ERBB4: variants seen among roughly 807,000 people sequenced by gnomAD.
ERBB4 encodes receptor tyrosine-protein kinase erbB-4.
In ERBB4, 42 loss-of-function variants were observed where a neutral mutation model predicts 158.0. The ratio of observed to expected loss-of-function variants is 0.27; its 90% CI spans 0.21 to 0.34. The LOEUF is 0.34. Among genes scored for constraint, ERBB4 ranks in the 10% least tolerant of loss-of-function variants. The probability of loss-of-function intolerance (pLI) is 1.00; values close to 1 mark genes in which losing one functional copy is unlikely to be tolerated. For synonymous variants in ERBB4, 583 were observed against 558.7 expected (o/e 1.04, Z -0.61); for missense variants, 1,333 against 1,624.1 (o/e 0.82, Z 3.08).
At chr2:211,423,561 G>A (rs2063556125) in intron 23 of ERBB4, among the ~76,000 whole-genome samples, 1 of 151,424 alleles carries the variant, frequency 6.6e-6, no homozygotes, top group South Asian at 2.1e-4. Context: ...TGGGACATAG[G>A]AAGAAAAAAG....
intron 1 of ERBB4, among the ~76,000 whole-genome samples, chr2:212,240,360 G>A (rs967540540): frequency 4.6e-5 from 7 of 151,906 alleles, no homozygotes; most frequent in Non-Finnish European, 2.9e-5. Context: ...CTCTAAAGAC[G>A]AAGGGGGCAG....
At chr2:212,249,660 G>A (rs2084455739) in intron 1 of ERBB4, among the ~76,000 whole-genome samples, 1 of 151,916 alleles carries the variant, frequency 6.6e-6, no homozygotes. Flanking sequence ...GCCCCCACCT[G>A]GGCATTAAAC....
chr2:211,567,764 A>G (rs2067593458), intron 19 of ERBB4, among the ~76,000 whole-genome samples: 1 of 151,906 alleles, frequency 6.6e-6, no homozygotes, highest in Non-Finnish European at 1.5e-5. Flanking sequence ...AGAAAAACGA[A>G]CAAGACACTA....
chr2:212,499,161 C>T (rs958907809), intron 1 of ERBB4, among the ~76,000 whole-genome samples: 2 of 151,930 alleles, frequency 1.3e-5, no homozygotes, highest in African/African-American at 2.4e-5. Flanking sequence ...TTGTTGAAAC[C>T]GCATTAAATG....
At chr2:211,682,719 A>G (rs76229437) in intron 12 of ERBB4, among the ~76,000 whole-genome samples, 1,643 of 152,152 alleles carry the variant, frequency 0.011, 40 homozygotes, top group African/African-American at 0.038. Context: ...TTTCTCTCTC[A>G]TAGTATTTTT....
chr2:211,862,709 G>A (rs1384504602), intron 3 of ERBB4, among the ~76,000 whole-genome samples: 3 of 152,140 alleles, frequency 2.0e-5, no homozygotes, highest in Non-Finnish European at 2.9e-5. Flanking sequence ...TGATATATCA[G>A]ATCATTATTT....
At chr2:211,533,057 C>T (rs2066544312) in intron 20 of ERBB4, among the ~76,000 whole-genome samples, 1 of 151,296 alleles carries the variant, frequency 6.6e-6, no homozygotes, top group Non-Finnish European at 1.5e-5. Flanking sequence ...ATTGGTTTTA[C>T]ACAAATGGGA....
chr2:212,282,516 C>T (rs1006332081), intron 1 of ERBB4, among the ~76,000 whole-genome samples: 9 of 151,842 alleles, frequency 5.9e-5, no homozygotes, highest in African/African-American at 1.7e-4. Flanking sequence ...CCAGGGACCT[C>T]GAGTGTGTCC....
chr2:212,501,211 T>C (rs1042278189), intron 1 of ERBB4, among the ~76,000 whole-genome samples: 3 of 152,152 alleles, frequency 2.0e-5, no homozygotes, highest in African/African-American at 7.2e-5. Context: ...TATATTTTCC[T>C]TTCCTGGTCA....
chr2:211,924,025 A>G (rs1216802936), intron 3 of ERBB4, among the ~76,000 whole-genome samples: 2 of 152,076 alleles, frequency 1.3e-5, no homozygotes, highest in Admixed American at 1.3e-4. Context: ...CCCAGCCATA[A>G]CCTAAATTTT....
chr2:212,230,414 T>C (rs1245080922), intron 1 of ERBB4, among the ~76,000 whole-genome samples: 1 of 152,226 alleles, frequency 6.6e-6, no homozygotes, highest in Non-Finnish European at 1.5e-5. Flanking sequence ...TTTTGTATTG[T>C]AACAGATTCA....
At chr2:212,327,719 T>C (rs1041589505) in intron 1 of ERBB4, among the ~76,000 whole-genome samples, 2 of 46,878 alleles carry the variant, frequency 4.3e-5, no homozygotes, top group East Asian at 4.0e-4. Flanking sequence ...CTTTTTTTTT[T>C]CTTTTTTTCT....
intron 20 of ERBB4, among the ~76,000 whole-genome samples, chr2:211,532,156 G>GT (rs1336267525): frequency 6.6e-6 from 1 of 151,596 alleles, no homozygotes; most frequent in Admixed American, 6.6e-5. Context: ...GGTTGTGGGG[G>GT]GGGAAAGTAG....
chr2:211,398,825 T>C (rs946458727), intron 25 of ERBB4, among the ~76,000 whole-genome samples: 6 of 152,166 alleles, frequency 3.9e-5, no homozygotes, highest in Admixed American at 6.6e-5. Context: ...AGTAAGACTC[T>C]GGCTCAGAAA....
intron 1 of ERBB4, among the ~76,000 whole-genome samples, chr2:212,282,983 A>G (rs1336188706): frequency 6.6e-6 from 1 of 152,004 alleles, no homozygotes; most frequent in Non-Finnish European, 1.5e-5. Context: ...GGTCAGAGAC[A>G]GATTGGAACT....
At chr2:212,221,560 A>G (rs2083290961) in intron 1 of ERBB4, among the ~76,000 whole-genome samples, 1 of 151,554 alleles carries the variant, frequency 6.6e-6, no homozygotes, top group Non-Finnish European at 1.5e-5. Flanking sequence ...ACATAGATAA[A>G]TATACTGTAT....
At chr2:212,225,410 C>T (rs953121888) in intron 1 of ERBB4, among the ~76,000 whole-genome samples, 2 of 151,940 alleles carry the variant, frequency 1.3e-5, no homozygotes, top group Non-Finnish European at 2.9e-5. Flanking sequence ...AATTTTCTGG[C>T]TAGAATCTGA....
chr2:211,745,732 AAAC>A (rs1420384003), intron 5 of ERBB4, among the ~76,000 whole-genome samples: 4 of 111,282 alleles, frequency 3.6e-5, no homozygotes, highest in Non-Finnish European at 6.1e-5. Context: ...AACAAAAACA[AAAC>A]AAAAAAAACC....
At chr2:212,495,401 A>G (rs1690507126) in intron 1 of ERBB4, among the ~76,000 whole-genome samples, 1 of 152,106 alleles carries the variant, frequency 6.6e-6, no homozygotes, top group Non-Finnish European at 1.5e-5. Flanking sequence ...TTCTTCCTCA[A>G]AGGAAAAAAA....
Sources: gnomAD v4.1 joint callset for allele counts (sites outside exome capture counted in the v4.1 genomes callset) on GRCh38, gnomAD v4.1.1 for gene constraint, MANE v1.5 for transcripts, NCBI Gene and HGNC (gene_info 2026-07-23, HGNC 2026-07-21) for gene names.